Variants in MYO1F observed in about 807,000 individuals in gnomAD.
MYO1F encodes the protein myosin IF.
A neutral mutation model predicts 146.6 loss-of-function variants in MYO1F; 60 were observed. That is an observed-to-expected ratio of 0.41 (90% confidence interval 0.33 to 0.51). The LOEUF (loss-of-function observed/expected upper bound fraction) is 0.51. Among genes scored for constraint, MYO1F ranks in the 20% least tolerant of loss-of-function variants. The probability of loss-of-function intolerance (pLI) is 0.25; values close to 1 mark genes in which losing one functional copy is unlikely to be tolerated. For missense variants in MYO1F, 1,274 were observed against 1,534.3 expected (o/e 0.83, Z 2.83); for synonymous variants, 602 against 602.1 (o/e 1.00, Z 0.00).
rs1314765840 is a variant in MYO1F at position 8,526,448 on chromosome 19, C to T, written c.2770+5G>A. The T allele has an allele frequency of 1.3e-6, 2 of 1,554,232 alleles. No homozygotes were observed. The highest frequency in any genetic ancestry group is 1.7e-6 in the Non-Finnish European group (2 of 1,148,794). ...CCCCTCTGCCCTAGTTCCGCGCAGA[C>T]TCACTGGAGCTCTTGGGCAGCCCAT... is the stretch of plus-strand genomic sequence containing the variant. On this transcript the variant is annotated splice_donor_5th_base_variant and intron_variant, in intron 24 of 27. Coordinates refer to ENST00000644032, the MANE Select transcript of MYO1F (RefSeq NM_012335.4).
chr19:8,536,557 T>C lies in MYO1F; in HGVS notation c.1840A>G (p.Ile614Val), dbSNP rs1568341124. 1.2e-6 allele frequency: 2 copies of C among 1,610,142 alleles called. No individual in the cohort carries two copies. The highest frequency in any genetic ancestry group is 1.7e-6 in the Non-Finnish European group (2 of 1,178,868). ...QVEYLGLKENIRVRRAGFAYR... is the reference protein window; with the variant it reads ...QVEYLGLKENVRVRRAGFAYR... ...GCGAAGCCGGCTCTGCGCACCCTGA[T>C]GTTCTCCTTCAGGCCCAGGTATTCC... The change falls in exon 18 of 28, where the codon ATC becomes GTC. Residue 614 changes from isoleucine to valine, a missense_variant. Around this residue, in one of 2 missense-constraint regions of MYO1F, gnomAD observed 900 missense variants for 1,155.1 expected, o/e 0.78. Transcript: ENST00000644032.
intron 12 of MYO1F, 50 bp downstream of exon 12, chr19:8,547,986 A>ACCCCCCCCCCCCCCCCCCCACC: frequency 2.4e-6 from 2 of 837,522 alleles, no homozygotes; most frequent in Non-Finnish European, 4.1e-6. Context: ...TGGTCCTTCC[A>ACCCCCCCCCCCCCCCCCCCACC]CCCCACCCCC....
At chr19:8,547,294 C>G (rs1457975420) in intron 12 of MYO1F, among the ~76,000 whole-genome samples, 1 of 97,302 alleles carries the variant, frequency 1.0e-5, no homozygotes, top group Non-Finnish European at 2.0e-5. Flanking sequence ...GAGCGAGTTC[C>G]TGTCTCAAAA....
chr19:8,523,310 G>C (rs1447321441), intron 25 of MYO1F, among the ~76,000 whole-genome samples: 1 of 152,072 alleles, frequency 6.6e-6, no homozygotes, highest in Non-Finnish European at 1.5e-5. Flanking sequence ...TGGGATTACA[G>C]GCATGAGCCA....
chr19:8,568,145 C>T (rs993003296), intron 1 of MYO1F, among the ~76,000 whole-genome samples: 1 of 152,090 alleles, frequency 6.6e-6, no homozygotes, highest in Non-Finnish European at 1.5e-5. Flanking sequence ...CAGGCTGGGC[C>T]GGGCACGGTG....
intron 12 of MYO1F, among the ~76,000 whole-genome samples, chr19:8,546,757 C>T (rs1326229321): frequency 2.0e-5 from 3 of 152,112 alleles, no homozygotes; most frequent in African/African-American, 4.8e-5. Flanking sequence ...CGACTCACTA[C>T]AAGCTCTGCC....
chr19:8,540,073 T>A (rs115152587), intron 15 of MYO1F, 45 bp from the exon 16 acceptor site: 1 of 1,516,926 alleles, frequency 6.6e-7, no homozygotes, highest in South Asian at 1.1e-5. Context: ...ATGGCTAGAC[T>A]TTCGGGTACT....
intron 1 of MYO1F, among the ~76,000 whole-genome samples, chr19:8,565,384 A>G (rs770812629): frequency 6.6e-6 from 1 of 151,822 alleles, no homozygotes; most frequent in Non-Finnish European, 1.5e-5. Context: ...CTCCACTAAA[A>G]GTACAACATT....
At chr19:8,537,205 T>G in intron 16 of MYO1F, 150 bp from the exon 17 acceptor site, 1 of 649,626 alleles carries the variant, frequency 1.5e-6, no homozygotes. Context: ...CAGATGTCCC[T>G]GGTCTGTGTG....
chr19:8,526,657 ACT>A (rs1972281511), intron 23 of MYO1F, 56 bp from the exon 24 acceptor site: 1 of 1,556,092 alleles, frequency 6.4e-7, no homozygotes, highest in East Asian at 2.3e-5. Flanking sequence ...GCCCCACCCA[ACT>A]CTCGCTGGTT....
rs547741787 is a variant in MYO1F at position 8,544,061 on chromosome 19, G to C, written c.1524+236C>G. 12 of 601,074 alleles carry C rather than the reference G, an allele frequency of 2.0e-5. 1 individual carries two copies. Among genetic ancestry groups the C allele is most frequent in the African/African-American group, 1.5e-4 (8 of 52,710 alleles). The allele number at this position is 601,074 out of a possible 1,614,324, so 37.2% of individuals were successfully genotyped here. A position where few individuals can be genotyped will look rare whatever the true frequency, so the allele number is the denominator to read the frequency against. On this transcript the variant is annotated intron_variant, in intron 14 of 27. Transcript: ENST00000644032. ...CGGTGCTGGTGGTGGTGGTGGTGGT[G>C]GTGGTGGTGTCCAGACAAGTTTGGG...
Position 8,552,121 on chromosome 19 carries a change from T to TCGG in MYO1F, c.547_548insCCG (p.Pro182_Asp183insAla). On this transcript the variant is annotated inframe_insertion, in exon 7 of 28. Coordinates refer to ENST00000644032, the MANE Select transcript of MYO1F (RefSeq NM_012335.4). Reference sequence around the variant, plus strand: ...CAAGAAGTTGGAGATCTTGCCCCCATCTGGCTCCCCACCTCGGCTGAACTG... The same window carrying TCGG: ...CAAGAAGTTGGAGATCTTGCCCCCATCGGCTGGCTCCCCACCTCGGCTGAACTG... 1 of 1,614,090 alleles carries TCGG rather than the reference T, an allele frequency of 6.2e-7. No individual in the cohort carries two copies. Among genetic ancestry groups the TCGG allele is most frequent in the Non-Finnish European group, 8.5e-7 (1 of 1,180,004 alleles).
chr19:8,553,484 C>A (rs372032112), intron 4 of MYO1F, 47 bp from the exon 5 acceptor site: 11 of 1,497,222 alleles, frequency 7.3e-6, no homozygotes, highest in Non-Finnish European at 8.4e-6. Flanking sequence ...GGGAAGAGCC[C>A]TTTTTAGTGC....
At chr19:8,526,637 G>T in intron 23 of MYO1F, 36 bp from the exon 24 acceptor site, 1 of 1,565,830 alleles carries the variant, frequency 6.4e-7, no homozygotes, top group South Asian at 1.2e-5. Flanking sequence ...GGCGCTGGCT[G>T]AGGTCCCCCG....
At position 8,544,468 on chromosome 19, in the gene MYO1F, C is replaced by CGGGGCG; in HGVS notation, c.1357-10_1357-5dup. 6.3e-7 allele frequency: 1 copy of CGGGGCG among 1,590,832 alleles called. No homozygotes were observed. Among genetic ancestry groups the CGGGGCG allele is most frequent in the Non-Finnish European group, 8.5e-7 (1 of 1,170,058 alleles). On this transcript the variant is annotated splice_polypyrimidine_tract_variant and splice_region_variant and intron_variant, in intron 13 of 27. Coordinates refer to ENST00000644032, the MANE Select transcript of MYO1F (RefSeq NM_012335.4). ...CGCTCATGATGCCTGGGGGGCTCTG[C>CGGGGCG]GGGGCGAGCGGGAGCCAGCAGCGGC... is the stretch of plus-strand genomic sequence containing the variant.
At chr19:8,549,785 A>G (rs546338727) in intron 10 of MYO1F, 85 of 310,580 alleles carry the variant, frequency 2.7e-4, no homozygotes, top group African/African-American at 1.8e-3. Flanking sequence ...GATTACAGGC[A>G]TGAGCCACTG....
chr19:8,572,624 T>C (rs562652794), intron 1 of MYO1F, among the ~76,000 whole-genome samples: 2 of 152,260 alleles, frequency 1.3e-5, no homozygotes, highest in Middle Eastern at 3.4e-3. Flanking sequence ...TCCCAGCCTT[T>C]CCTGTCCATC....
intron 25 of MYO1F, among the ~76,000 whole-genome samples, chr19:8,523,388 G>C (rs1389178815): frequency 1.3e-5 from 2 of 152,140 alleles, no homozygotes; most frequent in South Asian, 2.1e-4. Context: ...TCTCGCCCAG[G>C]TTGGAGTGCA....
chr19:8,551,533 G>A (rs1188683783), intron 8 of MYO1F: 2 of 617,600 alleles, frequency 3.2e-6, no homozygotes, highest in Admixed American at 2.7e-5. Context: ...TGTATTTTAA[G>A]TAGAGACGGG....
Sources: allele counts gnomAD v4.1 joint callset (sites outside exome capture counted in the v4.1 genomes callset), GRCh38; gene constraint gnomAD v4.1.1; regional missense constraint gnomAD v4.1.1; transcripts MANE v1.5; gene names NCBI Gene and HGNC (gene_info 2026-07-23, HGNC 2026-07-21).